Variants in SMURF2 observed in about 807,000 individuals in gnomAD.
SMURF2 encodes SMAD specific E3 ubiquitin protein ligase 2.
In SMURF2, 48 loss-of-function variants were observed where a neutral mutation model predicts 109.6. The observed-to-expected ratio is 0.44, with a 90% CI of 0.35 to 0.56. SMURF2 has a LOEUF of 0.56. Ranked by LOEUF, SMURF2 falls within the 20% of genes least tolerant of loss-of-function variation. SMURF2 has a pLI of 0.01. For missense variants in SMURF2, 575 were observed against 909.0 expected, an observed-to-expected ratio of 0.63 and a Z score of 4.72; for synonymous variants, 288 against 317.1, an observed-to-expected ratio of 0.91 and a Z score of 0.97.
At chr17:64,583,391 C>T (rs1598281773) in intron 7 of SMURF2, 70 bp downstream of exon 7, 1 of 1,270,438 alleles carries the variant, frequency 7.9e-7, no homozygotes, top group Non-Finnish European at 1.1e-6. Context: ...GTAAAGCTGA[C>T]AGATAAATAG....
At chr17:64,577,586 T>TAAA (rs530564573) in intron 9 of SMURF2, among the ~76,000 whole-genome samples, 142 of 132,332 alleles carry the variant, frequency 1.1e-3, no homozygotes, top group African/African-American at 3.8e-3. Context: ...AATAAAACAC[T>TAAA]AAAAAAAAAA....
chr17:64,650,543 T>C (rs186876697), intron 1 of SMURF2, among the ~76,000 whole-genome samples: 3 of 152,206 alleles, frequency 2.0e-5, no homozygotes, highest in Admixed American at 2.0e-4. Flanking sequence ...CTACCTCTCA[T>C]AAAATGACCA....
chr17:64,577,486 T>C (rs1179356183), intron 9 of SMURF2, among the ~76,000 whole-genome samples: 3 of 150,888 alleles, frequency 2.0e-5, no homozygotes, highest in Admixed American at 6.6e-5. Context: ...CACACCAACA[T>C]GGCACATGTA....
chr17:64,624,801 G>C (rs538423268), intron 1 of SMURF2, among the ~76,000 whole-genome samples: 2 of 152,158 alleles, frequency 1.3e-5, no homozygotes, highest in South Asian at 4.2e-4. Flanking sequence ...ACTCCAGCCT[G>C]GGCAACAGAG....
chr17:64,640,469 G>A (rs1970479265), intron 1 of SMURF2, among the ~76,000 whole-genome samples: 1 of 152,210 alleles, frequency 6.6e-6, no homozygotes, highest in South Asian at 2.1e-4. Flanking sequence ...AACAGGGGCA[G>A]ATTATATAAG....
At chr17:64,567,898 G>A (rs1213523435) in intron 10 of SMURF2, among the ~76,000 whole-genome samples, 3 of 143,074 alleles carry the variant, frequency 2.1e-5, no homozygotes, top group Non-Finnish European at 3.0e-5. Context: ...TCTATTGCCA[G>A]GCTGGAGTGC....
chr17:64,561,385 A>C lies in SMURF2; in HGVS notation c.1316+115T>G, dbSNP rs1254966122. The C allele has an allele frequency of 2.9e-5, 20 of 688,740 alleles. No individual in the cohort carries two copies. In the African/African-American group the frequency reaches 3.3e-4, roughly 11 times the overall value. The allele number at this position is 688,740 out of a possible 1,614,324, so 42.7% of individuals were successfully genotyped here. A position where few individuals can be genotyped will look rare whatever the true frequency, so the allele number is the denominator to read the frequency against. On this transcript the variant is annotated intron_variant, in intron 12 of 18. Transcript: ENST00000262435. Reference sequence around the variant, plus strand: ...TCTATTAGGATATCCTCAGTGATACAAACATTAGGGAATAACAAAAAATAA... The same window carrying C: ...TCTATTAGGATATCCTCAGTGATACCAACATTAGGGAATAACAAAAAATAA...
chr17:64,589,588 T>C (rs1182064509), intron 5 of SMURF2, among the ~76,000 whole-genome samples: 1 of 151,856 alleles, frequency 6.6e-6, no homozygotes, highest in Non-Finnish European at 1.5e-5. Context: ...CTGCCTCCTA[T>C]CAGATCAGTG....
chr17:64,588,020 T>C (rs1969687268), intron 5 of SMURF2, among the ~76,000 whole-genome samples: 1 of 150,298 alleles, frequency 6.7e-6, no homozygotes, highest in African/African-American at 2.5e-5. Context: ...ATGCTACAGA[T>C]TTTGCAAGCC....
Position 64,575,846 on chromosome 17 carries a change from GAATTC to G in SMURF2, c.857+2641_857+2645del, listed in dbSNP as rs556872330. On this transcript the variant is annotated intron_variant, in intron 9 of 18. Transcript: ENST00000262435. Reference sequence around the variant, plus strand: ...CAAAGTTGATTTAGAATTTAATTTAGAATTCAAGCTTTTTTCCAGTTGTAACTGGA... The same window carrying G: ...CAAAGTTGATTTAGAATTTAATTTAGAAGCTTTTTTCCAGTTGTAACTGGA... 1.0e-3 allele frequency among the ~76,000 whole-genome samples: 154 copies of G among 152,028 alleles called. 1 individual carries two copies. Among genetic ancestry groups the G allele is most frequent in the African/African-American group, 3.6e-3 (147 of 41,374 alleles).
At chr17:64,566,561 G>GTTTTTTTTGTTTTTTT (rs1969306621) in intron 10 of SMURF2, among the ~76,000 whole-genome samples, 1 of 43,784 alleles carries the variant, frequency 2.3e-5, no homozygotes. Flanking sequence ...AAGCTTTCTG[G>GTTTTTTTTGTTTTTTT]TTTTTTTTTT....
intron 1 of SMURF2, among the ~76,000 whole-genome samples, chr17:64,639,806 G>C (rs782609839): frequency 6.6e-6 from 1 of 152,074 alleles, no homozygotes; most frequent in Non-Finnish European, 1.5e-5. Flanking sequence ...CCAAGTACCC[G>C]TTACTGTTTG....
intron 1 of SMURF2, among the ~76,000 whole-genome samples, chr17:64,610,381 G>C (rs1324730867): frequency 6.6e-6 from 1 of 152,090 alleles, no homozygotes; most frequent in Admixed American, 6.6e-5. Flanking sequence ...TGATAGACTG[G>C]ATAAAGAAAA....
At chr17:64,617,378 T>C (rs1318731592) in intron 1 of SMURF2, among the ~76,000 whole-genome samples, 4 of 152,238 alleles carry the variant, frequency 2.6e-5, no homozygotes, top group Non-Finnish European at 2.9e-5. Context: ...CTAATTAGTA[T>C]GTTTGATGAT....
At chr17:64,611,822 T>C (rs539726447) in intron 1 of SMURF2, among the ~76,000 whole-genome samples, 4 of 152,230 alleles carry the variant, frequency 2.6e-5, no homozygotes, top group East Asian at 1.9e-4. Flanking sequence ...GGCCCAAACT[T>C]ATATTGGCTT....
Position 64,581,190 on chromosome 17 carries a change from G to A in SMURF2, c.570-199C>T, listed in dbSNP as rs1301493208. On this transcript the variant is annotated intron_variant, in intron 7 of 18. Transcript: ENST00000262435. This position sits in a 1 kb window ranked among gnomAD's most constrained non-coding sequence, Gnocchi z 4.3. Reference sequence around the variant, plus strand: ...AGCACCAAAGAAATGCAAATGATAAGCATGTCATCAACTATGTATTTAAAT... The same window carrying A: ...AGCACCAAAGAAATGCAAATGATAAACATGTCATCAACTATGTATTTAAAT... 1.3e-5 allele frequency among the ~76,000 whole-genome samples: 2 copies of A among 152,128 alleles called. No individual in the cohort carries two copies. The highest frequency in any genetic ancestry group is 2.9e-5 in the Non-Finnish European group (2 of 68,026).
rs1345700345 is a variant in SMURF2, at chr17:64,557,667, G to A, written c.1372C>T (p.Gln458Ter). 1.2e-6 allele frequency: 2 copies of A among 1,612,542 alleles called. No homozygotes were observed. The highest frequency in any genetic ancestry group is 1.7e-5 in the Admixed American group (1 of 59,886). ...GTATAAATATCATCTCTTGAATACT[G>A]GAAGAGGCCATAGTATGGATTCAAC... ...EMLNPYYGLF[Q>*]YSRDDIYTLQ... Residue 458 changes from glutamine (Q) to a stop codon, truncating the protein, a stop_gained, in exon 13 of 19, where the codon CAG becomes TAG. Transcript: ENST00000262435. LOFTEE classifies it high-confidence loss of function.
chr17:64,569,225 C>T (rs1188806016), intron 10 of SMURF2, among the ~76,000 whole-genome samples: 2 of 151,678 alleles, frequency 1.3e-5, no homozygotes, highest in African/African-American at 2.4e-5. Context: ...TGCTTGAACC[C>T]GGGATGTGGA....
intron 2 of SMURF2, among the ~76,000 whole-genome samples, chr17:64,599,107 A>C (rs182373256): frequency 6.6e-6 from 1 of 152,334 alleles, no homozygotes; most frequent in East Asian, 1.9e-4. Flanking sequence ...ATTGTAACGC[A>C]AACACTTATA....
Sources: gnomAD v4.1 joint callset for allele counts (sites outside exome capture counted in the v4.1 genomes callset) on GRCh38, gnomAD v4.1.1 for gene constraint, Gnocchi (gnomAD v3.1) non-coding constraint, MANE v1.5 for transcripts, NCBI Gene and HGNC (gene_info 2026-07-23, HGNC 2026-07-21) for gene names.